NUP54: variants seen among roughly 807,000 people sequenced by gnomAD.
The protein encoded by NUP54 is nucleoporin 54.
NUP54 carries 27 observed loss-of-function variants against 66.4 expected under a neutral mutation model. The observed-to-expected ratio is 0.41, with a 90% confidence interval of 0.30 to 0.56. The LOEUF is 0.56. Ranked by LOEUF, NUP54 falls within the 20% of genes least tolerant of loss-of-function variation. The pLI is 0.34. For synonymous variants in NUP54, 206 were observed against 210.7 expected (o/e 0.98, Z 0.19); for missense variants, 486 against 596.3 (o/e 0.82, Z 1.93).
In NUP54 at chr4:76,147,346, T is replaced by C. The variant is rs1731546822; in HGVS notation, c.67+962A>G. On this transcript the variant is annotated intron_variant, in intron 1 of 11. Coordinates refer to ENST00000264883, the MANE Select transcript of NUP54 (RefSeq NM_017426.4). ...CAGTAAAAACTTGATACAGATGTTT[T>C]TGATTCGAGATAAGGAAATAAATTT... The C allele has an allele frequency of 6.8e-5, 36 of 526,182 alleles. No individual in the cohort carries two copies. In the South Asian group the frequency reaches 9.0e-4, roughly 13 times the overall value. The allele number at this position is 526,182 out of a possible 1,614,324, so 32.6% of individuals were successfully genotyped here. A position where few individuals can be genotyped will look rare whatever the true frequency, so the allele number is the denominator to read the frequency against.
chr4:76,148,208 C>A, intron 1 of NUP54, 100 bp downstream of exon 1: 1 of 926,136 alleles, frequency 1.1e-6, no homozygotes, highest in South Asian at 4.3e-5. Flanking sequence ...TCCGCGTCGG[C>A]GGGAGATTCC....
chr4:76,128,017 A>AT (rs1361127655), intron 8 of NUP54, among the ~76,000 whole-genome samples: 1 of 152,010 alleles, frequency 6.6e-6, no homozygotes, highest in African/African-American at 2.4e-5. Flanking sequence ...GAGTTTACCC[A>AT]TTTTTCCCCT....
chr4:76,125,103 A>G (rs184671278), intron 8 of NUP54, among the ~76,000 whole-genome samples: 3 of 151,950 alleles, frequency 2.0e-5, no homozygotes, highest in Admixed American at 2.0e-4. Context: ...CAGCCTGGCC[A>G]ACATAGTGAA....
chr4:76,130,188 G>C (rs1375455244), intron 8 of NUP54, among the ~76,000 whole-genome samples: 1 of 151,564 alleles, frequency 6.6e-6, no homozygotes, highest in African/African-American at 2.4e-5. Context: ...TGCCAAGTCG[G>C]CCAGGCTTGT....
At chr4:76,132,770 G>A (rs763702073) in intron 5 of NUP54, 51 bp from the exon 6 acceptor site, 12 of 1,380,510 alleles carry the variant, frequency 8.7e-6, no homozygotes, top group African/African-American at 1.5e-5. Context: ...AACTCATAGC[G>A]ACAAACCTCA....
At chr4:76,134,510 G>A in intron 4 of NUP54, 148 bp from the exon 5 acceptor site, 2 of 668,250 alleles carry the variant, frequency 3.0e-6, no homozygotes. Flanking sequence ...ACCATTTTGT[G>A]CCCTAGGAGG....
chr4:76,124,635 A>T lies in NUP54; in HGVS notation c.1164+14T>A. ...AGTCTTATAAACACTGGGGGGGAAA[A>T]TCCAAATTACTACCTGTAAAGTTCT... On this transcript the variant is annotated intron_variant, in intron 9 of 11. Transcript: ENST00000264883. 1 of 1,327,850 alleles carries T rather than the reference A, an allele frequency of 7.5e-7. No individual in the cohort carries two copies. Among genetic ancestry groups the T allele is most frequent in the Non-Finnish European group, 1.1e-6 (1 of 925,342 alleles). The allele number at this position is 1,327,850 out of a possible 1,614,324, so 82.3% of individuals were successfully genotyped here. A position where few individuals can be genotyped will look rare whatever the true frequency, so the allele number is the denominator to read the frequency against.
chr4:76,121,902 T>C (rs759425427), intron 9 of NUP54, among the ~76,000 whole-genome samples: 2 of 152,236 alleles, frequency 1.3e-5, no homozygotes, highest in Non-Finnish European at 2.9e-5. Flanking sequence ...TATACAATCA[T>C]ATCAGCAAAA....
rs11735037 is a variant in NUP54 at position 76,133,049 on chromosome 4, T to G, written c.711-330A>C. 3.4e-4 allele frequency among the ~76,000 whole-genome samples: 26 copies of G among 75,676 alleles called. No homozygotes were observed. The East Asian group carries it at 8.9e-3, about 26-fold the overall frequency. 49.6% of individuals were successfully genotyped at this position (75,676 alleles called of 152,430 possible). On this transcript the variant is annotated intron_variant, in intron 5 of 11. Coordinates refer to ENST00000264883, the MANE Select transcript of NUP54 (RefSeq NM_017426.4). The stretch of plus-strand genomic sequence containing the variant: ...TGTGTCTATACATAAATATATATGA[T>G]ATATATATATATATATTTTTAAATT...
chr4:76,126,610 C>T (rs961308647), intron 8 of NUP54, among the ~76,000 whole-genome samples: 29 of 151,458 alleles, frequency 1.9e-4, no homozygotes, highest in African/African-American at 7.0e-4. Flanking sequence ...TTATCAGCCA[C>T]AGTATTTATT....
At chr4:76,136,529 A>G (rs1731046679) in intron 3 of NUP54, 117 bp from the exon 4 acceptor site, 1 of 681,074 alleles carries the variant, frequency 1.5e-6, no homozygotes, top group Non-Finnish European at 2.5e-6. Flanking sequence ...CCTAATCTAC[A>G]GAACCTATAA....
chr4:76,130,399 T>G (rs901758224), intron 8 of NUP54, among the ~76,000 whole-genome samples: 10 of 152,186 alleles, frequency 6.6e-5, no homozygotes, highest in Non-Finnish European at 2.9e-5. Flanking sequence ...ATGCAATCCC[T>G]GGCTGAAACT....
At chr4:76,130,135 G>C (rs1013994933) in intron 8 of NUP54, among the ~76,000 whole-genome samples, 10 of 151,176 alleles carry the variant, frequency 6.6e-5, no homozygotes, top group Non-Finnish European at 1.5e-5. Context: ...CGTGCACCAC[G>C]ACACCCAGCT....
At chr4:76,131,499 T>C (rs529163596) in intron 6 of NUP54, among the ~76,000 whole-genome samples, 5 of 151,980 alleles carry the variant, frequency 3.3e-5, no homozygotes, top group South Asian at 4.1e-4. Context: ...TATAGGATAA[T>C]AGATTAACCT....
intron 9 of NUP54, among the ~76,000 whole-genome samples, chr4:76,123,365 A>G (rs13152491): frequency 0.15 from 22,805 of 152,156 alleles, 2,135 homozygotes; most frequent in East Asian, 0.36. Flanking sequence ...TTCATGTTTC[A>G]TCTTTCATTT....
chr4:76,146,246 G>T lies in NUP54; in HGVS notation c.68-1773C>A, dbSNP rs537222491. 3 of 221,570 alleles carry T rather than the reference G, an allele frequency of 1.4e-5. No individual in the cohort carries two copies. The East Asian group carries it at 4.1e-4, about 30-fold the overall frequency. The allele number at this position is 221,570 out of a possible 1,614,324, so 13.7% of individuals were successfully genotyped here. ...TTATCATAACTCAAAACTTAACAGT[G>T]ATAACTCCAAATGAACATGAAATCA... On this transcript the variant is annotated intron_variant, in intron 1 of 11. Transcript: ENST00000264883.
chr4:76,121,106 T>TA (rs1310436704), intron 9 of NUP54, among the ~76,000 whole-genome samples: 1 of 152,232 alleles, frequency 6.6e-6, no homozygotes, highest in Non-Finnish European at 1.5e-5. Flanking sequence ...GAAAGTTTCT[T>TA]AAAGTCTTTA....
At chr4:76,133,791 G>C (rs1176468224) in intron 5 of NUP54, among the ~76,000 whole-genome samples, 1 of 151,998 alleles carries the variant, frequency 6.6e-6, no homozygotes, top group African/African-American at 2.4e-5. Flanking sequence ...TAAATGTCTT[G>C]CCACTAACAC....
At chr4:76,136,556 A>C in intron 3 of NUP54, 144 bp from the exon 4 acceptor site, 7 of 616,612 alleles carry the variant, frequency 1.1e-5, no homozygotes, top group Non-Finnish European at 2.0e-5. Flanking sequence ...TATCTTACAT[A>C]GCAAAAGGGC....
Sources: allele counts gnomAD v4.1 joint callset (sites outside exome capture counted in the v4.1 genomes callset), GRCh38; gene constraint gnomAD v4.1.1; transcripts MANE v1.5; gene names NCBI Gene and HGNC (gene_info 2026-07-23, HGNC 2026-07-21).